OLFM4: variants seen among roughly 807,000 people sequenced by gnomAD.
OLFM4 encodes the protein olfactomedin 4.
In OLFM4, 22 loss-of-function variants were observed where a neutral mutation model predicts 25.5. That is an observed-to-expected ratio of 0.86 (90% CI 0.62 to 1.23). The LOEUF (loss-of-function observed/expected upper bound fraction) is 1.23. Ranked by LOEUF, OLFM4 falls within the 50% of genes most tolerant of loss-of-function variation. OLFM4 has a pLI of 0.00. For synonymous variants in OLFM4, 255 were observed against 237.7 expected, an observed-to-expected ratio of 1.07 and a Z score of -0.67; for missense variants, 594 against 619.4, an observed-to-expected ratio of 0.96 and a Z score of 0.44.
intron 4 of OLFM4, 57 bp downstream of exon 4, chr13:53,043,321 G>C (rs868658273): frequency 1.9e-5 from 27 of 1,420,336 alleles, no homozygotes; most frequent in Middle Eastern, 1.9e-4. Flanking sequence ...AGCTGTGAGT[G>C]GGGTGGGGAA....
rs761469080 is a variant in OLFM4 at position 53,050,595 on chromosome 13, A to C, written c.1357A>C (p.Ile453Leu). ...TACTATGAACACCAGAACAGAAGAG[A>C]TTTTTTACTATTATGACACAAACAC... ...TRTMNTRTEE[I>L]FYYYDTNTGK... Residue 453 changes from isoleucine to leucine, a missense_variant, in exon 5 of 5, where the codon ATT (isoleucine) becomes CTT (leucine). Ile to Leu is a conservative substitution (Grantham distance 5). Transcript: ENST00000219022. 1.2e-6 allele frequency: 2 copies of C among 1,613,962 alleles called. No individual in the cohort carries two copies. Among genetic ancestry groups the C allele is most frequent in the Admixed American group, 3.3e-5 (2 of 60,002 alleles).
At chr13:53,038,698 G>A (rs1954672074) in intron 2 of OLFM4, among the ~76,000 whole-genome samples, 2 of 152,222 alleles carry the variant, frequency 1.3e-5, no homozygotes, top group South Asian at 2.1e-4. Flanking sequence ...GCCAGATGTG[G>A]GACTGGAGGC....
intron 4 of OLFM4, among the ~76,000 whole-genome samples, chr13:53,048,738 G>A (rs1386999140): frequency 5.3e-5 from 8 of 152,116 alleles, no homozygotes; most frequent in Non-Finnish European, 8.8e-5. Flanking sequence ...AGTATTTCAG[G>A]CCAAATCCAA....
chr13:53,048,071 A>C (rs566945023), intron 4 of OLFM4, among the ~76,000 whole-genome samples: 50 of 152,332 alleles, frequency 3.3e-4, no homozygotes, highest in African/African-American at 1.1e-3. Context: ...TTTGTAGCAT[A>C]TGGAAACTTG....
In OLFM4 at chr13:53,034,457, C is replaced by G; in HGVS notation, c.314C>G (p.Thr105Arg). 3.7e-6 allele frequency: 6 copies of G among 1,613,992 alleles called. No individual in the cohort carries two copies. The highest frequency in any genetic ancestry group is 5.1e-6 in the Non-Finnish European group (6 of 1,179,950). Residue 105 changes from threonine (T) to arginine (R), a missense_variant, in exon 2 of 5, where the codon ACA (threonine) becomes AGA (arginine). Thr to Arg is a moderately conservative substitution (Grantham distance 71, BLOSUM62 -1). Coordinates refer to ENST00000219022, the MANE Select transcript of OLFM4 (RefSeq NM_006418.5). ...PVDRVERLEFTAHVLSQKFEK... is the reference protein window; with the variant it reads ...PVDRVERLEFRAHVLSQKFEK... Reference sequence around the variant, plus strand: ...GACAGAGTGGAACGCTTGGAATTCACAGCTCATGTTCTTTCTCAGAAGTTT... The same window carrying G: ...GACAGAGTGGAACGCTTGGAATTCAGAGCTCATGTTCTTTCTCAGAAGTTT...
At chr13:53,039,386 A>G (rs1196572872) in intron 2 of OLFM4, among the ~76,000 whole-genome samples, 6 of 152,184 alleles carry the variant, frequency 3.9e-5, no homozygotes, top group Non-Finnish European at 8.8e-5. Context: ...GGGACTTGTT[A>G]GGTTTTATAT....
chr13:53,046,259 G>C (rs1251215271), intron 4 of OLFM4, among the ~76,000 whole-genome samples: 1 of 152,142 alleles, frequency 6.6e-6, no homozygotes. Context: ...ATTTTCCTCT[G>C]TAGGCATATA....
intron 2 of OLFM4, among the ~76,000 whole-genome samples, chr13:53,035,566 CTACTTTTATT>C (rs1954654118): frequency 6.6e-6 from 1 of 152,162 alleles, no homozygotes; most frequent in African/African-American, 2.4e-5. Context: ...TTCTTTCTAA[CTACTTTTATT>C]TTTTACCCTT....
intron 2 of OLFM4, among the ~76,000 whole-genome samples, chr13:53,038,662 A>C (rs1421732799): frequency 6.6e-6 from 1 of 152,194 alleles, no homozygotes; most frequent in Non-Finnish European, 1.5e-5. Flanking sequence ...CCAGAAGAAG[A>C]AAAAAATGCA....
intron 2 of OLFM4, among the ~76,000 whole-genome samples, chr13:53,036,094 T>C (rs1193030413): frequency 6.6e-6 from 1 of 152,120 alleles, no homozygotes; most frequent in Non-Finnish European, 1.5e-5. Flanking sequence ...AAAATTATGA[T>C]GAGGCTGAGA....
At chr13:53,049,832 C>A (rs1954735586) in intron 4 of OLFM4, 137 bp from the exon 5 acceptor site, 1 of 867,542 alleles carries the variant, frequency 1.2e-6, no homozygotes, top group Non-Finnish European at 1.7e-6. Flanking sequence ...TGGCTCTTCT[C>A]CATCAGAACC....
intron 2 of OLFM4, among the ~76,000 whole-genome samples, chr13:53,035,177 C>G (rs945874089): frequency 6.6e-6 from 1 of 151,840 alleles, no homozygotes. Flanking sequence ...TTCCTTTAAC[C>G]CTTTTTTATC....
chr13:53,035,896 C>A (rs573970184), intron 2 of OLFM4, among the ~76,000 whole-genome samples: 2 of 152,290 alleles, frequency 1.3e-5, no homozygotes, highest in East Asian at 3.9e-4. Context: ...AGTTAAAAAT[C>A]AATTAGAAAA....
Position 53,050,612 on chromosome 13 carries a change from CACAA to C in OLFM4, c.1378_1381del (p.Asn460GlnfsTer7), listed in dbSNP as rs1156769319. 6.2e-7 allele frequency: 1 copy of C among 1,613,978 alleles called. No individual in the cohort carries two copies. The highest frequency in any genetic ancestry group is 1.7e-5 in the Admixed American group (1 of 60,006). ...CAGAAGAGATTTTTTACTATTATGA[CACAA>C]ACACAGGGAAAGAGGGCAAACTAGA... On this transcript the variant is annotated frameshift_variant, in exon 5 of 5. Coordinates refer to ENST00000219022, the MANE Select transcript of OLFM4 (RefSeq NM_006418.5). LOFTEE classifies it low-confidence loss of function (END_TRUNC).
chr13:53,050,195 A>G lies in OLFM4; in HGVS notation c.957A>G (p.Arg319=). 2 of 1,614,082 alleles carry G rather than the reference A, an allele frequency of 1.2e-6. No individual in the cohort carries two copies. The highest frequency in any genetic ancestry group is 1.7e-6 in the Non-Finnish European group (2 of 1,179,960). ...ATTTGCTATTGTATATAAATGCTCG[A>G]GAGTTGCGGATCACCTATGGCCAAG... ...LDDLLLYINA[R]ELRITYGQGS... The change falls in exon 5 of 5, where the codon CGA becomes CGG. Residue 319 remains arginine, a synonymous_variant. Transcript: ENST00000219022.
rs372094326 is a variant in OLFM4, at chr13:53,045,237, T to G, written c.730+1973T>G. Among the ~76,000 whole-genome samples, 923 of 151,786 alleles carry G rather than the reference T, an allele frequency of 6.1e-3. 7 individuals are homozygous for G. Among genetic ancestry groups the G allele is most frequent in the African/African-American group, 0.018 (757 of 41,486 alleles). On this transcript the variant is annotated intron_variant, in intron 4 of 4. Coordinates refer to ENST00000219022, the MANE Select transcript of OLFM4 (RefSeq NM_006418.5). ...GGTTGTTTTTGTTGGATTTTTTTTT[T>G]CCCAGAACTTTCCCCTAGGCCCTCA...
chr13:53,043,215 G>A lies in OLFM4; in HGVS notation c.681G>A (p.Glu227=), dbSNP rs17053815. 1,805 of 1,612,384 alleles carry A rather than the reference G, an allele frequency of 1.1e-3. 23 individuals carry two copies. In the African/African-American group the frequency reaches 0.021, roughly 19 times the overall value. ...TGAAGACCAAGCTGAAAGAGTGTGA[G>A]GCCTCTAAAGATCAAAACACCCCTG... ...VALKTKLKEC[E]ASKDQNTPVV... The change falls in exon 4 of 5, where the codon GAG becomes GAA. Residue 227 remains glutamate, a synonymous_variant. Transcript: ENST00000219022.
intron 1 of OLFM4, 41 bp downstream of exon 1, chr13:53,029,081 C>G: frequency 3.7e-6 from 6 of 1,607,330 alleles, no homozygotes; most frequent in Non-Finnish European, 5.1e-6. Context: ...CATTCATTCC[C>G]TTCCATTTGC....
intron 2 of OLFM4, among the ~76,000 whole-genome samples, chr13:53,037,802 C>T (rs748030750): frequency 2.0e-5 from 3 of 152,102 alleles, no homozygotes; most frequent in Non-Finnish European, 2.9e-5. Context: ...GCAAAGTAAA[C>T]GTACTTATTT....
Sources: allele counts gnomAD v4.1 joint callset (sites outside exome capture counted in the v4.1 genomes callset), GRCh38; gene constraint gnomAD v4.1.1; transcripts MANE v1.5; gene names NCBI Gene and HGNC (gene_info 2026-07-23, HGNC 2026-07-21).